Variants in NCKAP5 observed in about 807,000 individuals in gnomAD.
NCKAP5 encodes the protein nck-associated protein 5.
A neutral mutation model predicts 167.0 loss-of-function variants in NCKAP5; 92 were observed. The ratio of observed to expected loss-of-function variants is 0.55; its 90% CI spans 0.47 to 0.66. NCKAP5 has a LOEUF of 0.66. Among genes scored for constraint, NCKAP5 ranks in the 30% least tolerant of loss-of-function variants. The probability of loss-of-function intolerance (pLI) is 0.00; values close to 1 mark genes in which losing one functional copy is unlikely to be tolerated. For missense variants in NCKAP5, 2,378 were observed against 2,315.0 expected (o/e 1.03, Z -0.56); for synonymous variants, 891 against 877.4 (o/e 1.02, Z -0.27).
At chr2:133,472,961 A>G (rs1011011651) in intron 3 of NCKAP5, among the ~76,000 whole-genome samples, 1 of 152,192 alleles carries the variant, frequency 6.6e-6, no homozygotes, top group African/African-American at 2.4e-5. Flanking sequence ...GATAAAGATG[A>G]TAATTGTTAC....
At chr2:133,671,362 G>A in the NCKAP5 span, among the ~76,000 whole-genome samples, 4 of 152,000 alleles carry the variant, frequency 2.6e-5, no homozygotes, top group Admixed American at 1.3e-4. Flanking sequence ...AACTCATATC[G>A]AAATAAACTC....
chr2:133,012,213 A>G (rs1423090244), intron 6 of NCKAP5, among the ~76,000 whole-genome samples: 9 of 152,084 alleles, frequency 5.9e-5, no homozygotes, highest in African/African-American at 1.9e-4. Context: ...ACTAACTTCA[A>G]TCTGACTTTC....
intron 19 of NCKAP5, among the ~76,000 whole-genome samples, chr2:132,677,137 C>G (rs576609403): frequency 2.0e-5 from 3 of 152,074 alleles, no homozygotes; most frequent in African/African-American, 7.2e-5. Flanking sequence ...TGTGCTTCAT[C>G]AGAATTATGA....
At chr2:133,505,567 C>T (rs554940818) in intron 3 of NCKAP5, among the ~76,000 whole-genome samples, 2 of 152,062 alleles carry the variant, frequency 1.3e-5, no homozygotes, top group East Asian at 3.9e-4. Context: ...TAAATTCACT[C>T]AACAACCCTT....
chr2:132,700,103 T>C (rs1265167875), intron 19 of NCKAP5, among the ~76,000 whole-genome samples: 6 of 152,256 alleles, frequency 3.9e-5, no homozygotes, highest in Admixed American at 3.3e-4. Context: ...TTTTTTCATG[T>C]GTCTGTTGGC....
chr2:132,827,792 T>G (rs1574348131), intron 11 of NCKAP5, among the ~76,000 whole-genome samples: 1 of 152,324 alleles, frequency 6.6e-6, no homozygotes, highest in Middle Eastern at 3.4e-3. Flanking sequence ...TTATACTGAT[T>G]CTTATTTTTG....
chr2:133,177,687 G>A (rs969551158), intron 5 of NCKAP5, among the ~76,000 whole-genome samples: 12 of 152,124 alleles, frequency 7.9e-5, no homozygotes, highest in African/African-American at 2.9e-4. Flanking sequence ...AGGCTATCAT[G>A]AGGCACCCCA....
intron 8 of NCKAP5, among the ~76,000 whole-genome samples, chr2:132,937,285 C>T (rs985289531): frequency 7.2e-5 from 11 of 152,110 alleles, no homozygotes; most frequent in Admixed American, 1.3e-4. Context: ...CACGGAACAA[C>T]GACCGCATTT....
chr2:133,020,876 C>T (rs2078502755), intron 6 of NCKAP5, among the ~76,000 whole-genome samples: 1 of 152,126 alleles, frequency 6.6e-6, no homozygotes, highest in Non-Finnish European at 1.5e-5. Flanking sequence ...GAGACTAGTC[C>T]AGGGACAGGG....
intron 2 of NCKAP5, among the ~76,000 whole-genome samples, chr2:133,551,119 T>G (rs964560594): frequency 2.0e-5 from 3 of 151,888 alleles, no homozygotes; most frequent in African/African-American, 7.3e-5. Context: ...GGAAGAACAT[T>G]CCATGCTCAT....
At chr2:133,616,457 T>C in the NCKAP5 span, among the ~76,000 whole-genome samples, 1 of 151,244 alleles carries the variant, frequency 6.6e-6, no homozygotes. Context: ...CAATAAAAAA[T>C]GATAAAGGGG....
chr2:133,563,970 C>G lies in NCKAP5; in HGVS notation c.-130+4246G>C, dbSNP rs542315247. Among the ~76,000 whole-genome samples the G allele has an allele frequency of 6.6e-5, 10 of 152,228 alleles. No individual in the cohort carries two copies. In the South Asian group the frequency reaches 1.7e-3, roughly 25 times the overall value. On this transcript the variant is annotated intron_variant, in intron 1 of 19. Coordinates refer to ENST00000409261, the MANE Select transcript of NCKAP5 (RefSeq NM_207363.3). ...CTAACATGGTGAAACCCTATCTCTA[C>G]TAAAAATACAAAAATTATCTGGGTG... is the stretch of plus-strand genomic sequence containing the variant.
intron 19 of NCKAP5, among the ~76,000 whole-genome samples, chr2:132,724,361 A>G (rs1048557964): frequency 6.6e-6 from 1 of 152,216 alleles, no homozygotes; most frequent in Non-Finnish European, 1.5e-5. Context: ...CACTGCTGGA[A>G]AACTGGCTCA....
chr2:133,018,724 G>A (rs2078428560), intron 6 of NCKAP5, among the ~76,000 whole-genome samples: 1 of 152,148 alleles, frequency 6.6e-6, no homozygotes, highest in Non-Finnish European at 1.5e-5. Context: ...TGAAATACAG[G>A]CCACTAAGGC....
At chr2:133,201,392 T>A (rs1009334397) in intron 5 of NCKAP5, among the ~76,000 whole-genome samples, 1 of 152,170 alleles carries the variant, frequency 6.6e-6, no homozygotes, top group Non-Finnish European at 1.5e-5. Context: ...CTGACTACTG[T>A]ACCAAGACAC....
At chr2:132,723,999 G>A (rs1036467628) in intron 19 of NCKAP5, among the ~76,000 whole-genome samples, 1 of 152,134 alleles carries the variant, frequency 6.6e-6, no homozygotes, top group Non-Finnish European at 1.5e-5. Flanking sequence ...TCATCCATCA[G>A]GTTGCTCTCT....
At chr2:133,397,427 T>G (rs1687799896) in intron 3 of NCKAP5, among the ~76,000 whole-genome samples, 1 of 152,250 alleles carries the variant, frequency 6.6e-6, no homozygotes. Flanking sequence ...ACAGCCTTCA[T>G]GTTAAGCACC....
chr2:132,968,987 T>C (rs1439021479), intron 7 of NCKAP5, among the ~76,000 whole-genome samples: 1 of 152,152 alleles, frequency 6.6e-6, no homozygotes, highest in African/African-American at 2.4e-5. Flanking sequence ...AGGGCACTGA[T>C]AGAGGAGCCA....
chr2:133,673,980 T>A, the NCKAP5 span, among the ~76,000 whole-genome samples: 2 of 152,180 alleles, frequency 1.3e-5, no homozygotes, highest in Admixed American at 1.3e-4. Flanking sequence ...TACTCCAACT[T>A]AGCATTCTTA....
Sources: allele counts gnomAD v4.1 joint callset (sites outside exome capture counted in the v4.1 genomes callset), GRCh38; gene constraint gnomAD v4.1.1; transcripts MANE v1.5; gene names NCBI Gene and HGNC (gene_info 2026-07-23, HGNC 2026-07-21).